Variants in NAV3 observed in about 807,000 individuals in gnomAD.
NAV3 encodes the protein pore membrane and/or filament interacting like protein 1.
NAV3 carries 87 observed loss-of-function variants against 244.7 expected under a neutral mutation model. That is an observed-to-expected ratio of 0.36 (90% CI 0.30 to 0.42). NAV3 has a LOEUF of 0.42. Ranked by LOEUF, NAV3 falls within the 20% of genes least tolerant of loss-of-function variation. The pLI is 1.00. For synonymous variants in NAV3, 1,126 were observed against 1,042.2 expected, an observed-to-expected ratio of 1.08 and a Z score of -1.55; for missense variants, 2,663 against 2,893.3, an observed-to-expected ratio of 0.92 and a Z score of 1.83.
At chr12:77,837,416 T>C (rs1310006207) in intron 1 of NAV3, among the ~76,000 whole-genome samples, 1 of 152,068 alleles carries the variant, frequency 6.6e-6, no homozygotes, top group African/African-American at 2.4e-5. Flanking sequence ...AGGTCTAATA[T>C]TAACCAATGG....
chr12:78,109,737 A>G (rs1954990914), intron 12 of NAV3, among the ~76,000 whole-genome samples: 1 of 152,086 alleles, frequency 6.6e-6, no homozygotes, highest in South Asian at 2.1e-4. Context: ...ATTTTTGATA[A>G]ATTTCAACAT....
chr12:77,952,457 T>C (rs1890990604), intron 3 of NAV3, among the ~76,000 whole-genome samples: 1 of 152,114 alleles, frequency 6.6e-6, no homozygotes, highest in Admixed American at 6.6e-5. Context: ...CTGATTATTT[T>C]CCCATTTTTT....
intron 2 of NAV3, among the ~76,000 whole-genome samples, chr12:77,574,130 C>T (rs1311571170): frequency 6.6e-6 from 1 of 152,102 alleles, no homozygotes. Context: ...TCACTATAGC[C>T]TCGCCTTCTC....
chr12:77,696,794 T>A (rs1177671236), intron 2 of NAV3, among the ~76,000 whole-genome samples: 1 of 152,182 alleles, frequency 6.6e-6, no homozygotes, highest in Non-Finnish European at 1.5e-5. Context: ...CACCTGTTTA[T>A]AATCTAATGC....
chr12:77,729,358 C>T (rs1190447386), intron 2 of NAV3, among the ~76,000 whole-genome samples: 1 of 151,936 alleles, frequency 6.6e-6, no homozygotes, highest in East Asian at 1.9e-4. Context: ...GCATAGAAGC[C>T]TGATTTCATA....
intron 1 of NAV3, among the ~76,000 whole-genome samples, chr12:77,841,389 T>C (rs1875618284): frequency 6.6e-6 from 1 of 152,212 alleles, no homozygotes; most frequent in Non-Finnish European, 1.5e-5. Flanking sequence ...AAATTTTTCA[T>C]AATGAAATGT....
At chr12:77,925,338 C>A (rs1039388215) in intron 1 of NAV3, among the ~76,000 whole-genome samples, 5 of 151,962 alleles carry the variant, frequency 3.3e-5, no homozygotes, top group Admixed American at 2.0e-4. Flanking sequence ...GACTTTTATT[C>A]ATTATCTTAT....
At chr12:78,077,663 C>G (rs1953119800) in intron 12 of NAV3, among the ~76,000 whole-genome samples, 1 of 152,174 alleles carries the variant, frequency 6.6e-6, no homozygotes, top group South Asian at 2.1e-4. Flanking sequence ...ATTGTCCAGG[C>G]ACAGTGGCTC....
intron 5 of NAV3, among the ~76,000 whole-genome samples, chr12:77,992,752 G>T (rs1364350436): frequency 1.3e-5 from 2 of 152,192 alleles, no homozygotes; most frequent in Non-Finnish European, 2.9e-5. Flanking sequence ...TTTAAGAGAT[G>T]TGGAAACAAG....
Position 78,021,918 on chromosome 12 carries a change from TA to T in NAV3, c.2023+58del, listed in dbSNP as rs1877225544. 3.7e-6 allele frequency: 4 copies of T among 1,095,868 alleles called. No homozygotes were observed. In the East Asian group the frequency reaches 9.8e-5, roughly 27 times the overall value. 67.9% of individuals were successfully genotyped at this position (1,095,868 alleles called of 1,614,324 possible). On this transcript the variant is annotated intron_variant, in intron 9 of 39. Transcript: ENST00000397909. ...CCTAGGAATTTCCGTATTCTCTCCA[TA>T]AGACTTTTTATTAAATCATATATGT...
At chr12:78,039,302 T>C (rs1880452592) in intron 9 of NAV3, among the ~76,000 whole-genome samples, 1 of 152,140 alleles carries the variant, frequency 6.6e-6, no homozygotes, top group African/African-American at 2.4e-5. Context: ...TCTTCCAAGT[T>C]AGTTTTTAGG....
intron 1 of NAV3, among the ~76,000 whole-genome samples, chr12:77,926,813 A>G (rs914127932): frequency 5.1e-4 from 77 of 152,188 alleles, no homozygotes; most frequent in Non-Finnish European, 9.0e-4. Flanking sequence ...CATTTTGAGA[A>G]CTACGGTCTA....
At position 78,007,067 on chromosome 12, in the gene NAV3, G is replaced by A. The variant is rs61754793; in HGVS notation, c.1529G>A (p.Ser510Asn). The A allele has an allele frequency of 2.7e-3, 4,431 of 1,614,176 alleles. 20 individuals are homozygous for A. Among genetic ancestry groups the A allele is most frequent in the Non-Finnish European group, 3.3e-3 (3,881 of 1,180,036 alleles). Residue 510 changes from serine to asparagine, a missense_variant, in exon 8 of 40, where the codon AGC (serine) becomes AAC (asparagine). By Grantham distance (46) the Ser-to-Asn change is conservative. Around this residue, in one of 6 missense-constraint regions of NAV3, gnomAD observed 1,521 missense variants for 1,497.0 expected, o/e 1.02. Transcript: ENST00000397909. The part of the protein sequence containing the change: ...SKIASLIPKG[S>N]KTTAAKKESL... ...ATTGCAAGCTTGATCCCTAAGGGCA[G>A]CAAGACAACAGCAGCTAAGAAGGAA...
At chr12:77,799,907 C>A (rs1324837204) in intron 2 of NAV3, among the ~76,000 whole-genome samples, 1 of 151,906 alleles carries the variant, frequency 6.6e-6, no homozygotes, top group African/African-American at 2.4e-5. Context: ...AGTTATAATG[C>A]TACTGTAGTT....
intron 9 of NAV3, among the ~76,000 whole-genome samples, chr12:78,025,079 G>C (rs1019866993): frequency 6.6e-6 from 1 of 152,114 alleles, no homozygotes; most frequent in Non-Finnish European, 1.5e-5. Context: ...TGTAAAAAGA[G>C]TACGGTTCAA....
intron 2 of NAV3, among the ~76,000 whole-genome samples, chr12:77,748,715 C>A (rs2135791467): frequency 6.6e-6 from 1 of 152,146 alleles, no homozygotes; most frequent in Admixed American, 6.5e-5. Context: ...ATAGTGGTTA[C>A]CAGGGCCTAG....
chr12:77,944,726 G>A (rs1211746969), intron 3 of NAV3, among the ~76,000 whole-genome samples: 1 of 152,024 alleles, frequency 6.6e-6, no homozygotes, highest in East Asian at 1.9e-4. Flanking sequence ...TTTCACTCTA[G>A]GAAATATAAA....
At chr12:77,965,446 C>T (rs1008891742) in intron 3 of NAV3, among the ~76,000 whole-genome samples, 9 of 152,058 alleles carry the variant, frequency 5.9e-5, no homozygotes, top group Non-Finnish European at 1.0e-4. Flanking sequence ...ATGGCAAAAC[C>T]CCTCTCTATA....
At chr12:78,193,933 C>A (rs1250109147) in intron 34 of NAV3, among the ~76,000 whole-genome samples, 4 of 152,052 alleles carry the variant, frequency 2.6e-5, no homozygotes, top group Non-Finnish European at 5.9e-5. Context: ...TTCATGTTAT[C>A]ATTTTCTCCT....
Sources: gnomAD v4.1 joint callset for allele counts (sites outside exome capture counted in the v4.1 genomes callset) on GRCh38, gnomAD v4.1.1 for gene constraint, gnomAD v4.1.1 regional missense constraint, MANE v1.5 for transcripts, NCBI Gene and HGNC (gene_info 2026-07-23, HGNC 2026-07-21) for gene names.